Variants in TMEM120B observed in about 807,000 individuals in gnomAD.
TMEM120B encodes transmembrane protein 120B.
In TMEM120B, 31 loss-of-function variants were observed where a neutral mutation model predicts 55.5. The ratio of observed to expected loss-of-function variants is 0.56; its 90% confidence interval spans 0.42 to 0.75. The LOEUF (loss-of-function observed/expected upper bound fraction) is 0.75, where lower values mean the gene tolerates loss of function less well. TMEM120B is among the 30% of genes least tolerant of loss of function. The pLI is 0.00. For missense variants in TMEM120B, 399 were observed against 425.5 expected (o/e 0.94, Z 0.55); for synonymous variants, 203 against 176.3 (o/e 1.15, Z -1.20).
chr12:121,735,483 C>G (rs1895091614), intron 1 of TMEM120B, among the ~76,000 whole-genome samples: 1 of 151,686 alleles, frequency 6.6e-6, no homozygotes, highest in Non-Finnish European at 1.5e-5. Flanking sequence ...ACTGCAACCT[C>G]CGCGTCCTGG....
At position 121,780,839 on chromosome 12, in the gene TMEM120B, C is replaced by T. The variant is rs753822967; in HGVS notation, c.*5117C>T. 80 of 1,599,046 alleles carry T rather than the reference C, an allele frequency of 5.0e-5. No homozygotes were observed. The South Asian group carries it at 5.4e-4, about 11-fold the overall frequency. On this transcript the variant is annotated 3_prime_UTR_variant, in exon 12 of 12. Coordinates refer to ENST00000449592, the MANE Select transcript of TMEM120B (RefSeq NM_001080825.2). The stretch of plus-strand genomic sequence containing the variant: ...AAAGGTCCGGGAGGCTTCACAGCCA[C>T]GGCTGTGCCCCAGGGTCTTGGCCCC...
At chr12:121,766,423 G>T (rs1278660279) in intron 6 of TMEM120B, among the ~76,000 whole-genome samples, 1 of 152,208 alleles carries the variant, frequency 6.6e-6, no homozygotes, top group Non-Finnish European at 1.5e-5. Context: ...GGCTCAGGAG[G>T]TGTTCATGGC....
chr12:121,728,979 T>A (rs1284371141), intron 1 of TMEM120B, among the ~76,000 whole-genome samples: 1 of 152,244 alleles, frequency 6.6e-6, no homozygotes, highest in Non-Finnish European at 1.5e-5. Flanking sequence ...CATCCCTGAA[T>A]TACCTGCTGG....
intron 6 of TMEM120B, among the ~76,000 whole-genome samples, chr12:121,768,595 A>G (rs1873921846): frequency 1.3e-5 from 2 of 152,256 alleles, no homozygotes; most frequent in South Asian, 4.1e-4. Context: ...ATGAAGGTTA[A>G]TGACTGTTCC....
intron 5 of TMEM120B, among the ~76,000 whole-genome samples, chr12:121,753,507 G>A (rs180793516): frequency 1.2e-3 from 183 of 152,118 alleles, no homozygotes; most frequent in Admixed American, 2.5e-3. Context: ...GGAGGCAGAG[G>A]TTGCAATGAG....
intron 7 of TMEM120B, 23 bp downstream of exon 7, chr12:121,770,995 C>T: frequency 6.2e-7 from 1 of 1,611,694 alleles, no homozygotes; most frequent in Non-Finnish European, 8.5e-7. Context: ...TCGCTGGGCC[C>T]CTCCAGCCTC....
chr12:121,746,269 C>T (rs746551071), intron 2 of TMEM120B, among the ~76,000 whole-genome samples: 54 of 151,212 alleles, frequency 3.6e-4, no homozygotes, highest in Non-Finnish European at 6.2e-4. Context: ...CTCACTGCAA[C>T]CTCTGCCTCC....
At chr12:121,772,678 T>G (rs949556907) in intron 8 of TMEM120B, among the ~76,000 whole-genome samples, 1 of 150,344 alleles carries the variant, frequency 6.7e-6, no homozygotes, top group African/African-American at 2.4e-5. Flanking sequence ...CTGCCTTGGC[T>G]TCCCAAAGTG....
At chr12:121,754,501 G>A (rs1308259718) in intron 5 of TMEM120B, among the ~76,000 whole-genome samples, 2 of 152,198 alleles carry the variant, frequency 1.3e-5, no homozygotes, top group African/African-American at 2.4e-5. Context: ...AAAGCAGGGC[G>A]TGGCAGGGCC....
intron 6 of TMEM120B, among the ~76,000 whole-genome samples, chr12:121,770,119 C>A (rs1251464606): frequency 2.0e-5 from 3 of 152,046 alleles, no homozygotes; most frequent in Non-Finnish European, 2.9e-5. Flanking sequence ...GAAGTACCGC[C>A]CGCCGAGTGT....
intron 8 of TMEM120B, among the ~76,000 whole-genome samples, chr12:121,772,347 C>T (rs1874092838): frequency 6.6e-6 from 1 of 151,938 alleles, no homozygotes. Context: ...TCAGGGTGGT[C>T]TGGAACTCCT....
At chr12:121,758,311 C>G in intron 5 of TMEM120B, 7 of 985,510 alleles carry the variant, frequency 7.1e-6, no homozygotes, top group Non-Finnish European at 8.4e-6. Flanking sequence ...ACACAGCGGT[C>G]TGCCGGCCCT....
At chr12:121,728,496 A>G (rs2137031159) in intron 1 of TMEM120B, among the ~76,000 whole-genome samples, 1 of 151,914 alleles carries the variant, frequency 6.6e-6, no homozygotes, top group East Asian at 1.9e-4. Context: ...CTCAAAAAAA[A>G]AAAAAAAGAG....
intron 4 of TMEM120B, 137 bp downstream of exon 4, chr12:121,750,576 CCA>C: frequency 1.5e-6 from 1 of 654,920 alleles, no homozygotes; most frequent in South Asian, 1.8e-5. Context: ...AAACCCACAC[CCA>C]CACTCCACAC....
At chr12:121,722,704 C>T (rs1302159750) in intron 1 of TMEM120B, among the ~76,000 whole-genome samples, 3 of 152,080 alleles carry the variant, frequency 2.0e-5, no homozygotes, top group Non-Finnish European at 2.9e-5. Flanking sequence ...AGTATAAAGA[C>T]TTGCAAAGGA....
rs770001644 is a variant in TMEM120B, at chr12:121,775,728, G to C, written c.*6G>C. 2 of 1,613,620 alleles carry C rather than the reference G, an allele frequency of 1.2e-6. No individual in the cohort carries two copies. Among genetic ancestry groups the C allele is most frequent in the Admixed American group, 1.7e-5 (1 of 60,020 alleles). On this transcript the variant is annotated 3_prime_UTR_variant, in exon 12 of 12. Transcript: ENST00000449592. The surrounding 1 kb of genome is among the most constrained non-coding windows in gnomAD (Gnocchi z 4.3). ...GCAAGACAAAGCAGCCGTGAGCCTC[G>C]GGCTCCTGTGCCCTCGGCCCGGACT...
chr12:121,714,248 C>CTTGTT (rs751229194), intron 1 of TMEM120B, among the ~76,000 whole-genome samples: 35 of 152,156 alleles, frequency 2.3e-4, no homozygotes, highest in East Asian at 2.1e-3. Context: ...TCAGCCACTT[C>CTTGTT]TTGTTTTGTT....
At chr12:121,771,062 G>T (rs11608693) in intron 7 of TMEM120B, 90 bp downstream of exon 7, 6 of 1,401,500 alleles carry the variant, frequency 4.3e-6, no homozygotes, top group Admixed American at 1.8e-5. Flanking sequence ...AGACAGCGGT[G>T]GGGGGTGTGC....
chr12:121,742,671 C>T (rs1040519588), intron 1 of TMEM120B, among the ~76,000 whole-genome samples: 7 of 150,022 alleles, frequency 4.7e-5, no homozygotes, highest in African/African-American at 1.2e-4. Context: ...CTGCAACCTC[C>T]GCCCCCTGGG....
Sources: allele counts gnomAD v4.1 joint callset (sites outside exome capture counted in the v4.1 genomes callset), GRCh38; gene constraint gnomAD v4.1.1; non-coding constraint Gnocchi (gnomAD v3.1); transcripts MANE v1.5; gene names NCBI Gene and HGNC (gene_info 2026-07-23, HGNC 2026-07-21).